Variants in KIAA0586 observed in about 807,000 individuals in gnomAD.
KIAA0586 encodes the protein protein TALPID3.
In KIAA0586, 144 loss-of-function variants were observed where a neutral mutation model predicts 169.8. The observed-to-expected ratio is 0.85, with a 90% CI of 0.74 to 0.97. The LOEUF is 0.97. Ranked by LOEUF, KIAA0586 falls within the 50% of genes least tolerant of loss-of-function variation. The probability of loss-of-function intolerance (pLI) is 0.00; values close to 1 mark genes in which losing one functional copy is unlikely to be tolerated. For synonymous variants in KIAA0586, 625 were observed against 612.4 expected (o/e 1.02, Z -0.30); for missense variants, 1,854 against 1,823.0 (o/e 1.02, Z -0.31).
chr14:58,490,355 A>G, intron 25 of KIAA0586, 115 bp downstream of exon 25: 1 of 479,352 alleles, frequency 2.1e-6, no homozygotes, highest in Non-Finnish European at 3.7e-6. Context: ...AAAATTTAGT[A>G]AAATAACCAT....
the KIAA0586 span, among the ~76,000 whole-genome samples, chr14:58,561,504 A>G: frequency 6.6e-6 from 1 of 152,190 alleles, no homozygotes; most frequent in African/African-American, 2.4e-5. Context: ...TATTTTTCCA[A>G]TAGGAAAACA....
At chr14:58,444,242 A>T in intron 6 of KIAA0586, 67 bp downstream of exon 6, 5 of 996,058 alleles carry the variant, frequency 5.0e-6, no homozygotes, top group Non-Finnish European at 4.6e-6. Flanking sequence ...GCCAGTATTC[A>T]TTGATAATTA....
chr14:58,434,256 T>G (rs1013661612), intron 4 of KIAA0586, among the ~76,000 whole-genome samples: 1 of 152,158 alleles, frequency 6.6e-6, no homozygotes, highest in African/African-American at 2.4e-5. Context: ...TACAGTGTAT[T>G]AAGAATACTG....
chr14:58,485,589 G>A (rs1417070730), intron 21 of KIAA0586, among the ~76,000 whole-genome samples: 3 of 152,158 alleles, frequency 2.0e-5, no homozygotes, highest in Non-Finnish European at 4.4e-5. Flanking sequence ...CTGAAGTCAA[G>A]ATTATTTGAT....
chr14:58,478,469 C>T (rs187253831), intron 20 of KIAA0586, among the ~76,000 whole-genome samples: 58 of 152,180 alleles, frequency 3.8e-4, no homozygotes, highest in East Asian at 7.7e-4. Context: ...GGCAATAGAG[C>T]GAGACTCTGT....
In KIAA0586 at chr14:58,481,768, TCCCCCACCCA is replaced by T. The variant is rs1404008723; in HGVS notation, c.2945-738_2945-729del. On this transcript the variant is annotated intron_variant, in intron 20 of 30. Coordinates refer to ENST00000652326, the MANE Select transcript of KIAA0586 (RefSeq NM_001329943.3). ...TTCATTTTTATTCCTCTTTCCACCC[TCCCCCACCCA>T]CCCCCATACACGTATATTGGCATCT... Among the ~76,000 whole-genome samples the T allele has an allele frequency of 1.1e-4, 11 of 95,792 alleles. No individual in the cohort carries two copies. The East Asian group carries it at 3.3e-3, about 28-fold the overall frequency. The allele number at this position is 95,792 out of a possible 152,430, so 62.8% of individuals were successfully genotyped here.
chr14:58,462,075 A>G (rs1356779417), intron 14 of KIAA0586, among the ~76,000 whole-genome samples: 1 of 152,296 alleles, frequency 6.6e-6, no homozygotes, highest in Admixed American at 6.5e-5. Context: ...AGTTGGAGCT[A>G]TGGTGGTTAC....
At chr14:58,459,539 T>C (rs1000684291) in intron 12 of KIAA0586, among the ~76,000 whole-genome samples, 3 of 152,182 alleles carry the variant, frequency 2.0e-5, no homozygotes, top group Non-Finnish European at 4.4e-5. Context: ...AAAATTCATA[T>C]GGTTCAAACA....
chr14:58,554,807 C>T (rs897876012), downstream of KIAA0586, among the ~76,000 whole-genome samples: 3 of 152,142 alleles, frequency 2.0e-5, no homozygotes, highest in South Asian at 2.1e-4. Context: ...AATTTTTTAG[C>T]TCATGGACCG....
rs371136865 is a variant in KIAA0586, at chr14:58,467,401, C to T, written c.2255-334C>T. ...TGTTTTCAACAAGTACACTGTACTA[C>T]CCCTCTTTACTTTGATATGTAGAAG... On this transcript the variant is annotated intron_variant, in intron 15 of 30. Transcript: ENST00000652326. Among the ~76,000 whole-genome samples, 6 of 152,310 alleles carry T rather than the reference C, an allele frequency of 3.9e-5. 1 individual carries two copies. Among genetic ancestry groups the T allele is most frequent in the South Asian group, 4.1e-4 (2 of 4,824 alleles).
chr14:58,511,708 G>C (rs2044400582), intron 28 of KIAA0586, among the ~76,000 whole-genome samples: 1 of 152,158 alleles, frequency 6.6e-6, no homozygotes. Flanking sequence ...CTGCAGCTTA[G>C]AGCTACTAAT....
chr14:58,555,488 T>C (rs2047236889), downstream of KIAA0586, among the ~76,000 whole-genome samples: 1 of 152,210 alleles, frequency 6.6e-6, no homozygotes, highest in Non-Finnish European at 1.5e-5. Flanking sequence ...ATGACCTGGA[T>C]AGTTGCATAA....
At chr14:58,501,810 T>C (rs1341181091) in intron 27 of KIAA0586, among the ~76,000 whole-genome samples, 1 of 152,220 alleles carries the variant, frequency 6.6e-6, no homozygotes, top group Non-Finnish European at 1.5e-5. Flanking sequence ...AATATTGCTA[T>C]GTACGAAATT....
intron 29 of KIAA0586, among the ~76,000 whole-genome samples, chr14:58,527,464 G>C (rs2045668577): frequency 6.6e-6 from 1 of 152,108 alleles, no homozygotes; most frequent in African/African-American, 2.4e-5. Context: ...AGAAAGGTTG[G>C]GTTACCCACA....
intron 29 of KIAA0586, among the ~76,000 whole-genome samples, chr14:58,529,084 C>T (rs975947095): frequency 2.0e-5 from 3 of 152,190 alleles, no homozygotes; most frequent in African/African-American, 7.2e-5. Flanking sequence ...CACCTCTACA[C>T]AAATTAACTA....
chr14:58,427,653 C>T (rs761305722), upstream of KIAA0586: 7 of 1,535,556 alleles, frequency 4.6e-6, no homozygotes, highest in Non-Finnish European at 6.1e-6. Context: ...TTTCTTGGCG[C>T]GCATGCGTGT....
intron 19 of KIAA0586, 74 bp from the exon 20 acceptor site, chr14:58,477,048 TG>T: frequency 1.4e-6 from 1 of 715,982 alleles, no homozygotes; most frequent in Non-Finnish European, 2.4e-6. Context: ...TTTTTAGGGG[TG>T]GTATGTCTAA....
chr14:58,492,023 CT>C, intron 25 of KIAA0586, 120 bp from the exon 26 acceptor site: 2 of 720,314 alleles, frequency 2.8e-6, no homozygotes, highest in South Asian at 3.0e-5. Flanking sequence ...AGTTCATCTC[CT>C]TTCCAAAAAT....
intron 4 of KIAA0586, among the ~76,000 whole-genome samples, chr14:58,439,248 G>A (rs1414294800): frequency 3.3e-5 from 5 of 151,740 alleles, no homozygotes; most frequent in East Asian, 2.0e-4. Context: ...GTGCAGTGGC[G>A]TGATCTCGGT....
Sources: gnomAD v4.1 joint callset for allele counts (sites outside exome capture counted in the v4.1 genomes callset) on GRCh38, gnomAD v4.1.1 for gene constraint, MANE v1.5 for transcripts, NCBI Gene and HGNC (gene_info 2026-07-23, HGNC 2026-07-21) for gene names.